FHIT: variants seen among roughly 807,000 people sequenced by gnomAD.
FHIT encodes the protein bis(5'-adenosyl)-triphosphatase.
In FHIT, 19 loss-of-function variants were observed where a neutral mutation model predicts 17.9. That is an observed-to-expected ratio of 1.06 (90% CI 0.74 to 1.56). The LOEUF (loss-of-function observed/expected upper bound fraction) is 1.56. FHIT is among the 40% of genes most tolerant of loss of function. The pLI is 0.00. For missense variants in FHIT, 248 were observed against 189.2 expected, an observed-to-expected ratio of 1.31 and a Z score of -1.82; for synonymous variants, 81 against 69.7, an observed-to-expected ratio of 1.16 and a Z score of -0.81.
intron 4 of FHIT, among the ~76,000 whole-genome samples, chr3:60,699,598 G>A (rs782387928): frequency 6.4e-5 from 9 of 140,158 alleles, no homozygotes; most frequent in Non-Finnish European, 1.1e-4. Context: ...AAGCATTATC[G>A]TTAGTGGGTG....
chr3:59,966,970 G>C (rs1394335190), intron 7 of FHIT, among the ~76,000 whole-genome samples: 1 of 152,048 alleles, frequency 6.6e-6, no homozygotes, highest in African/African-American at 2.4e-5. Context: ...CAAATACACT[G>C]TACAGGTATA....
intron 2 of FHIT, among the ~76,000 whole-genome samples, chr3:61,129,799 C>T (rs1166830273): frequency 6.6e-6 from 1 of 152,160 alleles, no homozygotes; most frequent in East Asian, 1.9e-4. Context: ...AAAACCAGTG[C>T]TTAAATGTTC....
intron 4 of FHIT, among the ~76,000 whole-genome samples, chr3:60,766,797 G>C (rs1553721544): frequency 6.6e-6 from 1 of 152,158 alleles, no homozygotes; most frequent in African/African-American, 2.4e-5. Context: ...TATATGCCAG[G>C]TACTGGGCTA....
intron 4 of FHIT, among the ~76,000 whole-genome samples, chr3:60,653,384 G>A (rs782556484): frequency 3.9e-5 from 6 of 151,966 alleles, no homozygotes; most frequent in Non-Finnish European, 7.4e-5. Context: ...TGTAGGCAAC[G>A]TTGGAAAAAA....
intron 1 of FHIT, among the ~76,000 whole-genome samples, chr3:61,234,275 C>A (rs1460128128): frequency 6.6e-6 from 1 of 152,172 alleles, no homozygotes; most frequent in Admixed American, 6.5e-5. Context: ...AGCATTCCCA[C>A]TCCTGGAAAT....
At chr3:60,581,188 T>TACTG (rs1298095554) in intron 4 of FHIT, among the ~76,000 whole-genome samples, 2 of 152,122 alleles carry the variant, frequency 1.3e-5, no homozygotes, top group Non-Finnish European at 2.9e-5. Context: ...ATGCCAAGAA[T>TACTG]ACTGACAAGC....
rs567034127 is a variant in FHIT, at chr3:60,799,802, C to G, written c.-18+22117G>C. On this transcript the variant is annotated intron_variant, in intron 4 of 9. Transcript: ENST00000492590. ...CTGTCACTGCATCCTGTTCAATTTC[C>G]TTCACAGCCATAGGAAGAAAACCTG... 3.9e-5 allele frequency among the ~76,000 whole-genome samples: 6 copies of G among 152,264 alleles called. No homozygotes were observed. The East Asian group carries it at 1.2e-3, about 29-fold the overall frequency.
chr3:60,089,271 C>G (rs1703628904), intron 5 of FHIT, among the ~76,000 whole-genome samples: 1 of 152,124 alleles, frequency 6.6e-6, no homozygotes, highest in African/African-American at 2.4e-5. Flanking sequence ...TTCTTTAGAG[C>G]ACTTACCACA....
chr3:60,961,928 A>G (rs1709472583), intron 3 of FHIT, among the ~76,000 whole-genome samples: 1 of 152,152 alleles, frequency 6.6e-6, no homozygotes, highest in Non-Finnish European at 1.5e-5. Context: ...TTTTGCTTCC[A>G]TGTGAACTTT....
chr3:60,584,808 A>G (rs141598304), intron 4 of FHIT, among the ~76,000 whole-genome samples: 43 of 152,074 alleles, frequency 2.8e-4, no homozygotes, highest in Middle Eastern at 3.4e-3. Context: ...GCTACTACTG[A>G]ATGAAGATCC....
At chr3:60,326,831 T>C (rs893494309) in intron 5 of FHIT, among the ~76,000 whole-genome samples, 2 of 152,186 alleles carry the variant, frequency 1.3e-5, no homozygotes, top group Admixed American at 6.5e-5. Context: ...AGAAGAGAAA[T>C]GTAAAAATGC....
chr3:59,902,710 G>A (rs1704387771), intron 8 of FHIT, among the ~76,000 whole-genome samples: 1 of 152,128 alleles, frequency 6.6e-6, no homozygotes, highest in Non-Finnish European at 1.5e-5. Context: ...GAAAACTACT[G>A]CATGATCTTA....
At chr3:61,244,246 A>C (rs2040435862) in intron 1 of FHIT, 1 of 152,206 alleles carries the variant, frequency 6.6e-6, no homozygotes, top group South Asian at 2.1e-4. Flanking sequence ...GGATGGGACC[A>C]GCCCCAGGTG....
At chr3:60,857,183 G>A (rs1372367146) in intron 3 of FHIT, among the ~76,000 whole-genome samples, 1 of 152,076 alleles carries the variant, frequency 6.6e-6, no homozygotes, top group Non-Finnish European at 1.5e-5. Flanking sequence ...TGGGAGGGGG[G>A]ATTCTAATAG....
At position 60,452,401 on chromosome 3, in the gene FHIT, G is replaced by T. The variant is rs75085401; in HGVS notation, c.103+84459C>A. 3.6e-3 allele frequency among the ~76,000 whole-genome samples: 550 copies of T among 152,238 alleles called. 8 individuals are homozygous for T. Among genetic ancestry groups the T allele is most frequent in the East Asian group, 0.028 (147 of 5,176 alleles). On this transcript the variant is annotated intron_variant, in intron 5 of 9. Transcript: ENST00000492590. The stretch of plus-strand genomic sequence containing the variant: ...CAGAGAGGCTTTACTGTGTACCCAA[G>T]ATGACTAAATTATTGGAAAGTAAGT...
chr3:60,887,947 A>C (rs527930004), intron 3 of FHIT, among the ~76,000 whole-genome samples: 77 of 152,336 alleles, frequency 5.1e-4, no homozygotes, highest in Middle Eastern at 3.4e-3. Context: ...ATCTGAGCTA[A>C]AAGGACTCTT....
At chr3:60,468,884 G>C (rs2032937475) in intron 5 of FHIT, among the ~76,000 whole-genome samples, 1 of 151,922 alleles carries the variant, frequency 6.6e-6, no homozygotes, top group Non-Finnish European at 1.5e-5. Flanking sequence ...TGTTTGTCTG[G>C]GAAAGTCTTT....
At chr3:60,015,222 T>C (rs982053061) in intron 5 of FHIT, among the ~76,000 whole-genome samples, 38 of 152,122 alleles carry the variant, frequency 2.5e-4, no homozygotes. Flanking sequence ...CATTCCGCTA[T>C]TGGTAGAACT....
intron 4 of FHIT, among the ~76,000 whole-genome samples, chr3:60,590,448 T>C (rs564479037): frequency 2.9e-4 from 44 of 152,088 alleles, no homozygotes; most frequent in Admixed American, 8.5e-4. Context: ...TAGGATGTTA[T>C]TGATGTATTG....
Sources: gnomAD v4.1 joint callset for allele counts (sites outside exome capture counted in the v4.1 genomes callset) on GRCh38, gnomAD v4.1.1 for gene constraint, MANE v1.5 for transcripts, NCBI Gene and HGNC (gene_info 2026-07-23, HGNC 2026-07-21) for gene names.